The following BMAL1 variants were observed in gnomAD, a reference collection of about 807,000 sequenced individuals.
BMAL1 encodes the protein basic helix-loop-helix ARNT-like protein 1.
the BMAL1 span, among the ~76,000 whole-genome samples, chr11:13,364,887 T>A: frequency 6.6e-6 from 1 of 152,196 alleles, no homozygotes; most frequent in African/African-American, 2.4e-5. Flanking sequence ...GTAGTAGTTC[T>A]CAGCCCTATG....
chr11:13,352,793 A>C, the BMAL1 span, among the ~76,000 whole-genome samples: 6 of 152,216 alleles, frequency 3.9e-5, no homozygotes, highest in Non-Finnish European at 8.8e-5. Context: ...ACAGTAGCTC[A>C]CACTCACCCT....
chr11:13,369,856 T>C, the BMAL1 span: 12 of 1,515,078 alleles, frequency 7.9e-6, no homozygotes, highest in Non-Finnish European at 1.1e-5. Flanking sequence ...GTTCCATGGT[T>C]TCTGGCTGGC....
the BMAL1 span, chr11:13,381,096 C>T: frequency 2.0e-6 from 3 of 1,519,882 alleles, no homozygotes; most frequent in Non-Finnish European, 2.7e-6. Context: ...TCACCTTTAC[C>T]CCTTAACAAA....
chr11:13,356,655 A>AAT, the BMAL1 span: 1 of 1,520,664 alleles, frequency 6.6e-7, no homozygotes, highest in Non-Finnish European at 9.0e-7. Flanking sequence ...GTTTCTGGAT[A>AAT]AATGAGAGCC....
At chr11:13,296,303 G>A in the BMAL1 span, among the ~76,000 whole-genome samples, 15 of 152,122 alleles carry the variant, frequency 9.9e-5, no homozygotes, top group Admixed American at 7.2e-4. Context: ...TTTGAAGCTT[G>A]TCTCATACCT....
the BMAL1 span, among the ~76,000 whole-genome samples, chr11:13,284,232 G>A: frequency 0.014 from 117 of 8,080 alleles, 12 homozygotes; most frequent in Non-Finnish European, 0.023. Context: ...ATATATGTGT[G>A]TGTATATATA....
the BMAL1 span, chr11:13,375,813 AG>A: frequency 1.1e-5 from 17 of 1,491,068 alleles, 1 homozygote; most frequent in Admixed American, 3.7e-4. Flanking sequence ...ACAGATGCCT[AG>A]GGTTCCTCAT....
chr11:13,316,046 A>G, the BMAL1 span, among the ~76,000 whole-genome samples: 1 of 152,064 alleles, frequency 6.6e-6, no homozygotes, highest in Non-Finnish European at 1.5e-5. Flanking sequence ...CCTTTTCTCT[A>G]CCTTACAACC....
the BMAL1 span, among the ~76,000 whole-genome samples, chr11:13,367,461 G>A: frequency 6.6e-6 from 1 of 152,160 alleles, no homozygotes; most frequent in Non-Finnish European, 1.5e-5. Context: ...AGCACTTCGG[G>A]AGGCTGAGGC....
the BMAL1 span, among the ~76,000 whole-genome samples, chr11:13,368,758 T>A: frequency 6.6e-6 from 1 of 152,158 alleles, no homozygotes; most frequent in African/African-American, 2.4e-5. Flanking sequence ...AGATTCTAAT[T>A]TGGTTTTTCC....
chr11:13,288,427 T>TCTTTCTTTCTTTCTTTCTTTTTC, the BMAL1 span, among the ~76,000 whole-genome samples: 1 of 66,116 alleles, frequency 1.5e-5, no homozygotes, highest in African/African-American at 5.3e-5. Context: ...TTTTTTTCTT[T>TCTTTCTTTCTTTCTTTCTTTTTC]TTTTTTTTTT....
chr11:13,382,184 C>G, the BMAL1 span, among the ~76,000 whole-genome samples: 3 of 152,154 alleles, frequency 2.0e-5, no homozygotes, highest in Admixed American at 2.0e-4. Context: ...ACAAGGGCAG[C>G]AATACTTCTT....
chr11:13,378,055 C>A, the BMAL1 span, among the ~76,000 whole-genome samples: 1 of 152,120 alleles, frequency 6.6e-6, no homozygotes, highest in African/African-American at 2.4e-5. Flanking sequence ...GTAACCCTGG[C>A]ACATACAGTG....
At chr11:13,288,355 C>T in the BMAL1 span, among the ~76,000 whole-genome samples, 5 of 144,388 alleles carry the variant, frequency 3.5e-5, no homozygotes, top group African/African-American at 1.3e-4. Context: ...TCCCAGCAGT[C>T]TCTAGATGCA....
the BMAL1 span, among the ~76,000 whole-genome samples, chr11:13,317,605 C>T: frequency 6.6e-6 from 1 of 152,212 alleles, no homozygotes; most frequent in African/African-American, 2.4e-5. Context: ...ATTATTTACT[C>T]TAGACCTGAG....
chr11:13,325,597 C>T, the BMAL1 span, among the ~76,000 whole-genome samples: 1 of 151,714 alleles, frequency 6.6e-6, no homozygotes, highest in South Asian at 2.1e-4. Context: ...AGACCGGCAG[C>T]AGGCACACAT....
At chr11:13,314,115 C>G in the BMAL1 span, among the ~76,000 whole-genome samples, 20 of 152,202 alleles carry the variant, frequency 1.3e-4, no homozygotes, top group Middle Eastern at 3.4e-3. Context: ...TGGAAATGAC[C>G]TTCCTCCTGG....
At chr11:13,284,180 GTATA>G in the BMAL1 span, among the ~76,000 whole-genome samples, 25 of 21,140 alleles carry the variant, frequency 1.2e-3, 2 homozygotes, top group African/African-American at 3.8e-3. Context: ...ATATATATGT[GTATA>G]TATATATATG....
chr11:13,327,802 T>C, the BMAL1 span, among the ~76,000 whole-genome samples: 3 of 151,544 alleles, frequency 2.0e-5, no homozygotes, highest in African/African-American at 7.3e-5. Flanking sequence ...GATCACTTTG[T>C]GAGTCTGAAG....
Sources: gnomAD v4.1 joint callset for allele counts (sites outside exome capture counted in the v4.1 genomes callset) on GRCh38, gnomAD v4.1.1 for gene constraint, MANE v1.5 for transcripts, NCBI Gene and HGNC (gene_info 2026-07-23, HGNC 2026-07-21) for gene names.